GAS7: variants seen among roughly 807,000 people sequenced by gnomAD.
The protein encoded by GAS7 is growth arrest specific 7, also known as growth arrest-specific protein 7.
GAS7 carries 28 observed loss-of-function variants against 71.1 expected under a neutral mutation model. The observed-to-expected ratio is 0.39, with a 90% CI of 0.29 to 0.54. The LOEUF is 0.54. Ranked by LOEUF, GAS7 falls within the 20% of genes least tolerant of loss-of-function variation. GAS7 has a pLI of 0.62. For synonymous variants in GAS7, 258 were observed against 245.8 expected (o/e 1.05, Z -0.46); for missense variants, 436 against 627.8 (o/e 0.69, Z 3.27).
chr17:10,188,863 T>G (rs1206690012), intron 1 of GAS7, among the ~76,000 whole-genome samples: 2 of 152,134 alleles, frequency 1.3e-5, no homozygotes, highest in Non-Finnish European at 2.9e-5. Context: ...AGGCTGGTCT[T>G]GAACTCCTGG....
In GAS7 at chr17:10,027,612, C is replaced by T. The variant is rs535575935; in HGVS notation, c.184-7715G>A. On this transcript the variant is annotated intron_variant, in intron 1 of 13. Transcript: ENST00000432992. ...CTGCCTTCCACCATGTGAGGACACGCTATTCCTTTATCTGGCAGACACAGC... is the reference window on the plus strand; with the variant it reads ...CTGCCTTCCACCATGTGAGGACACGTTATTCCTTTATCTGGCAGACACAGC... Among the ~76,000 whole-genome samples the T allele has an allele frequency of 2.6e-5, 4 of 152,334 alleles. No individual in the cohort carries two copies. The South Asian group carries it at 6.2e-4, about 24-fold the overall frequency.
intron 1 of GAS7, among the ~76,000 whole-genome samples, chr17:10,118,238 T>C (rs1324470083): frequency 1.3e-5 from 2 of 152,144 alleles, no homozygotes; most frequent in African/African-American, 2.4e-5. Flanking sequence ...CTCAGCCAGG[T>C]ATTTTTCCGC....
intron 1 of GAS7, among the ~76,000 whole-genome samples, chr17:10,065,024 G>A (rs765283750): frequency 5.9e-5 from 9 of 152,010 alleles, no homozygotes; most frequent in Admixed American, 2.0e-4. Context: ...GTCTCACTAC[G>A]TTGCTGAGGC....
chr17:10,191,011 A>C (rs1352140648), intron 1 of GAS7, among the ~76,000 whole-genome samples: 1 of 151,798 alleles, frequency 6.6e-6, no homozygotes, highest in African/African-American at 2.4e-5. Flanking sequence ...TCCCATCTCT[A>C]CTAAAAATAC....
chr17:10,046,626 C>G (rs1169859263), intron 1 of GAS7, among the ~76,000 whole-genome samples: 1 of 150,730 alleles, frequency 6.6e-6, no homozygotes, highest in Non-Finnish European at 1.5e-5. Context: ...GTCCCAGCTA[C>G]TCAGGAGTCT....
intron 4 of GAS7, among the ~76,000 whole-genome samples, chr17:9,968,052 T>C (rs966100664): frequency 1.3e-5 from 2 of 152,222 alleles, no homozygotes; most frequent in African/African-American, 4.8e-5. Context: ...TTCCTGATGA[T>C]GCCCAGGGTA....
At chr17:9,984,435 G>A (rs1035465213) in intron 2 of GAS7, among the ~76,000 whole-genome samples, 1 of 152,124 alleles carries the variant, frequency 6.6e-6, no homozygotes, top group African/African-American at 2.4e-5. Context: ...CAGAATTGAG[G>A]GTGATCTGGA....
At chr17:10,188,951 G>GT (rs1420691145) in intron 1 of GAS7, among the ~76,000 whole-genome samples, 1 of 152,148 alleles carries the variant, frequency 6.6e-6, no homozygotes, top group Non-Finnish European at 1.5e-5. Context: ...GCCTGTATAT[G>GT]TTTTATTATG....
intron 1 of GAS7, among the ~76,000 whole-genome samples, chr17:10,068,394 C>T (rs1185235877): frequency 6.6e-6 from 1 of 152,096 alleles, no homozygotes; most frequent in Non-Finnish European, 1.5e-5. Context: ...CTGGGAGTTC[C>T]CAAAACCACC....
chr17:10,131,215 T>C (rs1597809487), intron 1 of GAS7, among the ~76,000 whole-genome samples: 2 of 152,208 alleles, frequency 1.3e-5, no homozygotes, highest in East Asian at 3.8e-4. Context: ...GGTCTCTGTT[T>C]ACCTATGATT....
intron 1 of GAS7, among the ~76,000 whole-genome samples, chr17:10,137,519 T>C (rs550610172): frequency 6.7e-6 from 1 of 149,836 alleles, no homozygotes; most frequent in South Asian, 2.1e-4. Context: ...TCTAGAACAA[T>C]TCCTAGCACA....
chr17:9,917,436 G>A, intron 13 of GAS7, 95 bp from the exon 14 acceptor site: 1 of 870,934 alleles, frequency 1.1e-6, no homozygotes. Flanking sequence ...TAGTGTCTCT[G>A]AGAGCAGCCT....
intron 1 of GAS7, among the ~76,000 whole-genome samples, chr17:10,191,600 GGCACGGTGGCTCACGCCTGTAATCCCA>G (rs2074501263): frequency 3.3e-5 from 5 of 149,790 alleles, no homozygotes; most frequent in African/African-American, 9.9e-5. Flanking sequence ...GAGAGGGCTG[GGCACGGTGGCTCACGCCTGTAATCCCA>G]GCACTTTGGG....
chr17:10,159,942 C>T (rs1229641661), intron 1 of GAS7, among the ~76,000 whole-genome samples: 1 of 151,986 alleles, frequency 6.6e-6, no homozygotes, highest in Non-Finnish European at 1.5e-5. Flanking sequence ...CATGCCACCA[C>T]ACCTAGCTAA....
chr17:9,912,425 G>C lies in GAS7; in HGVS notation c.*4803C>G, dbSNP rs1822007355. The C allele has an allele frequency of 4.3e-6, 1 of 233,038 alleles. No individual in the cohort carries two copies. Among genetic ancestry groups the C allele is most frequent in the Non-Finnish European group, 8.5e-6 (1 of 118,006 alleles). The allele number at this position is 233,038 out of a possible 1,614,324, so 14.4% of individuals were successfully genotyped here. ...AGCAACAGATCCAGGAAAGCATCAT[G>C]ATGAGCCCCAGGGCCAGCCCCAGCC... On this transcript the variant is annotated 3_prime_UTR_variant, in exon 14 of 14. Coordinates refer to ENST00000432992, the MANE Select transcript of GAS7 (RefSeq NM_201433.2).
intron 1 of GAS7, among the ~76,000 whole-genome samples, chr17:10,053,750 C>T (rs926527093): frequency 6.6e-5 from 10 of 152,322 alleles, no homozygotes; most frequent in African/African-American, 2.2e-4. Context: ...TGGAGGGGCA[C>T]GGCAGTGAGA....
chr17:10,043,859 G>C (rs1397301061), intron 1 of GAS7, among the ~76,000 whole-genome samples: 1 of 152,200 alleles, frequency 6.6e-6, no homozygotes, highest in Non-Finnish European at 1.5e-5. Flanking sequence ...CTTGAACCCT[G>C]GAAGTTGAGG....
At chr17:10,057,834 GA>G (rs1178048406) in intron 1 of GAS7, among the ~76,000 whole-genome samples, 1 of 152,266 alleles carries the variant, frequency 6.6e-6, no homozygotes, top group Non-Finnish European at 1.5e-5. Flanking sequence ...AAAAGATAGA[GA>G]AATCAGATTG....
intron 12 of GAS7, among the ~76,000 whole-genome samples, chr17:9,919,000 C>T (rs144968744): frequency 6.2e-4 from 94 of 152,264 alleles, no homozygotes; most frequent in African/African-American, 2.2e-3. Flanking sequence ...TGGCTTTAGG[C>T]AGTGGGCTGA....
Sources: gnomAD v4.1 joint callset for allele counts (sites outside exome capture counted in the v4.1 genomes callset) on GRCh38, gnomAD v4.1.1 for gene constraint, MANE v1.5 for transcripts, NCBI Gene and HGNC (gene_info 2026-07-23, HGNC 2026-07-21) for gene names.